The following PGGT1B variants were observed in gnomAD, a reference collection of about 807,000 sequenced individuals.
PGGT1B encodes protein geranylgeranyltransferase type I subunit beta.
A neutral mutation model predicts 46.1 loss-of-function variants in PGGT1B; 30 were observed. The ratio of observed to expected loss-of-function variants is 0.65; its 90% confidence interval spans 0.49 to 0.88. The LOEUF (loss-of-function observed/expected upper bound fraction) is 0.88, where lower values mean the gene tolerates loss of function less well. PGGT1B is among the 40% of genes least tolerant of loss of function. The pLI is 0.00. For missense variants in PGGT1B, 376 were observed against 455.9 expected, an observed-to-expected ratio of 0.82 and a Z score of 1.60; for synonymous variants, 170 against 160.0, an observed-to-expected ratio of 1.06 and a Z score of -0.47.
At chr5:115,222,148 A>G (rs771282356) in intron 6 of PGGT1B, 140 bp from the exon 7 acceptor site, 3 of 486,402 alleles carry the variant, frequency 6.2e-6, no homozygotes, top group East Asian at 6.8e-5. Flanking sequence ...ATGAGATTTT[A>G]AAATAACCAC....
Position 115,212,180 on chromosome 5 carries a change from T to G in PGGT1B, c.*222A>C. 1.4e-6 allele frequency: 1 copy of G among 695,558 alleles called. No homozygotes were observed. Among genetic ancestry groups the G allele is most frequent in the Non-Finnish European group, 2.2e-6 (1 of 452,872 alleles). 43.1% of individuals were successfully genotyped at this position (695,558 alleles called of 1,614,324 possible). The stretch of plus-strand genomic sequence containing the variant: ...CTTCTTAGAAATACAGTATAAACAT[T>G]TAAGAACCACGACAAAGTTGTGGTT... On this transcript the variant is annotated 3_prime_UTR_variant, in exon 9 of 9. Coordinates refer to ENST00000419445, the MANE Select transcript of PGGT1B (RefSeq NM_005023.4).
At position 115,204,500 on chromosome 5, in the gene PGGT1B, C is replaced by T. The variant is rs1756007306; in HGVS notation, c.*7902G>A. The T allele has an allele frequency of 6.6e-6, 1 of 152,054 alleles. No homozygotes were observed. Among genetic ancestry groups the T allele is most frequent in the Non-Finnish European group, 1.5e-5 (1 of 67,992 alleles). The allele number at this position is 152,054 out of a possible 1,614,324, so 9.4% of individuals were successfully genotyped here. A position where few individuals can be genotyped will look rare whatever the true frequency, so the allele number is the denominator to read the frequency against. On this transcript the variant is annotated 3_prime_UTR_variant, in exon 9 of 9. Transcript: ENST00000419445. Reference sequence around the variant, plus strand: ...AGCACATATAAAGAATTAACCTCCCCCCAAACTTATTAGAACTTGATTTCC... The same window carrying T: ...AGCACATATAAAGAATTAACCTCCCTCCAAACTTATTAGAACTTGATTTCC...
intron 2 of PGGT1B, among the ~76,000 whole-genome samples, chr5:115,246,794 G>A (rs1233649718): frequency 6.6e-6 from 1 of 152,148 alleles, no homozygotes; most frequent in African/African-American, 2.4e-5. Flanking sequence ...AAGAACTACT[G>A]ATTTGGTAAA....
rs370732380 is a variant in PGGT1B at position 115,236,072 on chromosome 5, C to G, written c.612+318G>C. On this transcript the variant is annotated intron_variant, in intron 5 of 8. Transcript: ENST00000419445. ...ATCTTCCAGTTTGCGTGTCAGGACT[C>G]TCTACTAACTCCTGCTAGAATAGGC... Among the ~76,000 whole-genome samples, 4 of 152,206 alleles carry G rather than the reference C, an allele frequency of 2.6e-5. No individual in the cohort carries two copies. The South Asian group carries it at 8.3e-4, about 32-fold the overall frequency.
intron 5 of PGGT1B, among the ~76,000 whole-genome samples, chr5:115,232,434 G>C (rs1757022050): frequency 6.6e-6 from 1 of 151,924 alleles, no homozygotes; most frequent in African/African-American, 2.4e-5. Context: ...CCAAGACACA[G>C]AAAAAATACT....
rs750529714 is a variant in PGGT1B at position 115,216,964 on chromosome 5, T to C, written c.853A>G (p.Ile285Val). Residue 285 changes from isoleucine (I) to valine (V), a missense_variant, in exon 8 of 9, where the codon ATT (isoleucine) becomes GTT (valine). By Grantham distance (29) the Ile-to-Val change is conservative. Transcript: ENST00000419445. The stretch of plus-strand genomic sequence containing the variant: ...TTCTCAAAGTTAGTGTATTGGAAAA[T>C]TTTTAGAAGCTGAAATGACATGACA... ...WVGATLKLLK[I>V]FQYTNFEKNR... The C allele has an allele frequency of 7.8e-6, 11 of 1,402,814 alleles. No homozygotes were observed. In the South Asian group the frequency reaches 9.4e-5, roughly 12 times the overall value. 86.9% of individuals were successfully genotyped at this position (1,402,814 alleles called of 1,614,324 possible).
chr5:115,251,177 C>T (rs1465878788), intron 2 of PGGT1B, among the ~76,000 whole-genome samples: 1 of 152,010 alleles, frequency 6.6e-6, no homozygotes, highest in Non-Finnish European at 1.5e-5. Context: ...TAAATATAAC[C>T]AAATAGTTTT....
chr5:115,262,625 G>A lies in PGGT1B; in HGVS notation c.140+87C>T, dbSNP rs1748613447. 14 of 1,459,772 alleles carry A rather than the reference G, an allele frequency of 9.6e-6. No individual in the cohort carries two copies. The South Asian group carries it at 1.2e-4, about 12-fold the overall frequency. 90.4% of individuals were successfully genotyped at this position (1,459,772 alleles called of 1,614,324 possible). A position where few individuals can be genotyped will look rare whatever the true frequency, so the allele number is the denominator to read the frequency against. ...CTGGGCGGCCGCGCAGCCCCCTTCC[G>A]GCGCCCAGTTTGCGGTCCGACTCCG... On this transcript the variant is annotated intron_variant, in intron 1 of 8. Transcript: ENST00000419445.
intron 2 of PGGT1B, among the ~76,000 whole-genome samples, chr5:115,243,392 T>C (rs940153147): frequency 8.5e-5 from 13 of 152,206 alleles, no homozygotes; most frequent in Admixed American, 2.0e-4. Flanking sequence ...AGTAGAACTA[T>C]GTAGCAACAC....
chr5:115,211,737 T>C lies in PGGT1B; in HGVS notation c.*665A>G, dbSNP rs1756235720. 1 of 152,084 alleles carries C rather than the reference T, an allele frequency of 6.6e-6. No homozygotes were observed. Among genetic ancestry groups the C allele is most frequent in the Admixed American group, 6.6e-5 (1 of 15,248 alleles). The allele number at this position is 152,084 out of a possible 1,614,324, so 9.4% of individuals were successfully genotyped here. A position where few individuals can be genotyped will look rare whatever the true frequency, so the allele number is the denominator to read the frequency against. The stretch of plus-strand genomic sequence containing the variant: ...TCATTCACAATCACATACAGTTAAG[T>C]TGCTTTTCCCTCAGTTACATAATAG... On this transcript the variant is annotated 3_prime_UTR_variant, in exon 9 of 9. Coordinates refer to ENST00000419445, the MANE Select transcript of PGGT1B (RefSeq NM_005023.4).
chr5:115,215,216 T>G (rs1185156887), intron 8 of PGGT1B, among the ~76,000 whole-genome samples: 2 of 152,130 alleles, frequency 1.3e-5, no homozygotes, highest in Non-Finnish European at 2.9e-5. Context: ...CAGGCTGGTC[T>G]TCAACTCCTG....
intron 3 of PGGT1B, among the ~76,000 whole-genome samples, chr5:115,239,178 G>A (rs1355597133): frequency 6.6e-6 from 1 of 151,986 alleles, no homozygotes. Flanking sequence ...AGGTAGCCGA[G>A]ACTACAGGCA....
chr5:115,214,720 T>C (rs1039072117), intron 8 of PGGT1B, among the ~76,000 whole-genome samples: 2 of 152,210 alleles, frequency 1.3e-5, no homozygotes, highest in Non-Finnish European at 2.9e-5. Flanking sequence ...AGAACTTTCT[T>C]TTAAAAAAGC....
intron 4 of PGGT1B, 73 bp from the exon 5 acceptor site, chr5:115,236,595 A>T: frequency 2.2e-6 from 2 of 904,798 alleles, no homozygotes; most frequent in Non-Finnish European, 1.6e-6. Flanking sequence ...GGTTAGAAAC[A>T]CCTCCTGCTT....
chr5:115,259,785 A>C (rs1222748307), intron 1 of PGGT1B, among the ~76,000 whole-genome samples: 1 of 152,020 alleles, frequency 6.6e-6, no homozygotes, highest in Non-Finnish European at 1.5e-5. Flanking sequence ...CAGGATACAC[A>C]GGGGAAAATA....
At chr5:115,247,685 A>T (rs933347723) in intron 2 of PGGT1B, among the ~76,000 whole-genome samples, 20 of 152,170 alleles carry the variant, frequency 1.3e-4, no homozygotes, top group Admixed American at 9.2e-4. Flanking sequence ...TAAAAAAAAA[A>T]TTTTAAATAT....
intron 7 of PGGT1B, 86 bp downstream of exon 7, chr5:115,221,738 A>C: frequency 1.3e-6 from 1 of 747,118 alleles, no homozygotes; most frequent in Non-Finnish European, 2.1e-6. Flanking sequence ...AACAATATTT[A>C]ATACACATTA....
intron 6 of PGGT1B, among the ~76,000 whole-genome samples, chr5:115,224,975 T>A (rs1756721584): frequency 6.6e-6 from 1 of 152,036 alleles, no homozygotes; most frequent in Non-Finnish European, 1.5e-5. Flanking sequence ...AAATGGAATA[T>A]CTTTTTGGGG....
rs1057474163 is a variant in PGGT1B, at chr5:115,207,849, C to T, written c.*4553G>A. 6.6e-6 allele frequency: 1 copy of T among 152,066 alleles called. No homozygotes were observed. Among genetic ancestry groups the T allele is most frequent in the Non-Finnish European group, 1.5e-5 (1 of 67,968 alleles). The allele number at this position is 152,066 out of a possible 1,614,324, so 9.4% of individuals were successfully genotyped here. On this transcript the variant is annotated 3_prime_UTR_variant, in exon 9 of 9. Transcript: ENST00000419445. ...GGGCATGTCTTGTTCCTGACTTCAG[C>T]TGGAAAGTCTCCTTTGCTTTGAAAT...
Sources: gnomAD v4.1 joint callset for allele counts (sites outside exome capture counted in the v4.1 genomes callset) on GRCh38, gnomAD v4.1.1 for gene constraint, MANE v1.5 for transcripts, NCBI Gene and HGNC (gene_info 2026-07-23, HGNC 2026-07-21) for gene names.